WDPCP: variants seen among roughly 807,000 people sequenced by gnomAD.
WDPCP encodes the protein WD repeat-containing and planar cell polarity effector protein fritz homolog.
A neutral mutation model predicts 93.1 loss-of-function variants in WDPCP; 71 were observed. The observed-to-expected ratio is 0.76, with a 90% CI of 0.63 to 0.93. The LOEUF (loss-of-function observed/expected upper bound fraction) is 0.93, where lower values mean the gene tolerates loss of function less well. Ranked by LOEUF, WDPCP falls within the 40% of genes least tolerant of loss-of-function variation. The pLI is 0.00. For synonymous variants in WDPCP, 315 were observed against 315.0 expected, an observed-to-expected ratio of 1.00 and a Z score of 0.00; for missense variants, 844 against 887.4, an observed-to-expected ratio of 0.95 and a Z score of 0.62.
chr2:63,757,685 T>C (rs1385850465), intron 2 of WDPCP, among the ~76,000 whole-genome samples: 1 of 152,244 alleles, frequency 6.6e-6, no homozygotes, highest in African/African-American at 2.4e-5. Context: ...TGTACTTTCC[T>C]GCCCCTTGAA....
chr2:63,530,407 T>C (rs1477503112), intron 1 of WDPCP, among the ~76,000 whole-genome samples: 1 of 152,236 alleles, frequency 6.6e-6, no homozygotes, highest in Non-Finnish European at 1.5e-5. Flanking sequence ...TGTGTCTTTG[T>C]TCTCATTGGT....
In WDPCP at chr2:63,689,515, A is replaced by G. The variant is rs1668861826; in HGVS notation, n.309-38677T>C. On this transcript the variant is annotated intron_variant and non_coding_transcript_variant, in intron 2 of 4. Transcript: ENST00000467687. ...AATTATCTGCTTTCAACTATCTTCT[A>G]TCAGGCTGTGGTGAACCCAAGTAAC... Among the ~76,000 whole-genome samples the G allele has an allele frequency of 3.9e-5, 6 of 152,292 alleles. No individual in the cohort carries two copies. In the South Asian group the frequency reaches 1.2e-3, roughly 32 times the overall value.
chr2:63,624,823 C>T (rs915717792), intron 3 of WDPCP, among the ~76,000 whole-genome samples: 1 of 152,218 alleles, frequency 6.6e-6, no homozygotes, highest in Non-Finnish European at 1.5e-5. Context: ...TTCCCTAACT[C>T]ATTTTATGAG....
chr2:63,193,377 ATAAT>A (rs1256551037), intron 14 of WDPCP, among the ~76,000 whole-genome samples: 1 of 152,232 alleles, frequency 6.6e-6, no homozygotes, highest in Non-Finnish European at 1.5e-5. Context: ...TCTTATATAA[ATAAT>A]TAGAAGTTGT....
chr2:63,355,768 A>G (rs1275814035), intron 12 of WDPCP, among the ~76,000 whole-genome samples: 1 of 152,080 alleles, frequency 6.6e-6, no homozygotes. Flanking sequence ...GACACCTATA[A>G]TCCCAGCTAC....
At chr2:63,538,179 G>A (rs901117181) in intron 1 of WDPCP, among the ~76,000 whole-genome samples, 4 of 151,910 alleles carry the variant, frequency 2.6e-5, no homozygotes, top group African/African-American at 9.7e-5. Context: ...TCAAGCCCCT[G>A]CCTTTAAACA....
intron 2 of WDPCP, among the ~76,000 whole-genome samples, chr2:63,789,897 G>T (rs369041919): frequency 6.6e-6 from 1 of 152,286 alleles, no homozygotes; most frequent in South Asian, 2.1e-4. Context: ...GGAAGTGACT[G>T]AAGTCTTCCA....
chr2:63,749,796 T>C lies in WDPCP; in HGVS notation n.308+63826A>G, dbSNP rs77461000. On this transcript the variant is annotated intron_variant and non_coding_transcript_variant, in intron 2 of 4. Transcript: ENST00000467687. ...GATTTCTTGAACACATAATCTAGAA[T>C]TTTTTGTTGTTTTCTTAAAAAAGGA... 3.9e-4 allele frequency among the ~76,000 whole-genome samples: 59 copies of C among 152,258 alleles called. No individual in the cohort carries two copies. In the East Asian group the frequency reaches 9.8e-3, roughly 25 times the overall value.
intron 14 of WDPCP, among the ~76,000 whole-genome samples, chr2:63,199,782 A>C (rs960258178): frequency 4.6e-5 from 7 of 152,204 alleles, no homozygotes; most frequent in Non-Finnish European, 1.0e-4. Flanking sequence ...GGCACTGCCT[A>C]GTGGAGCTGT....
intron 1 of WDPCP, among the ~76,000 whole-genome samples, chr2:63,524,344 C>T (rs1172441455): frequency 1.3e-5 from 2 of 152,160 alleles, no homozygotes; most frequent in African/African-American, 2.4e-5. Flanking sequence ...CACTACCTGA[C>T]CTCCAACTAT....
intron 2 of WDPCP, among the ~76,000 whole-genome samples, chr2:63,732,985 A>G (rs1282100268): frequency 6.6e-6 from 1 of 152,202 alleles, no homozygotes; most frequent in African/African-American, 2.4e-5. Flanking sequence ...AAGAAAGAGG[A>G]GAGTGAAACA....
chr2:63,586,539 T>G (rs528608604), intron 1 of WDPCP, among the ~76,000 whole-genome samples: 7 of 152,320 alleles, frequency 4.6e-5, no homozygotes, highest in African/African-American at 1.7e-4. Flanking sequence ...GACAATCTTA[T>G]TAGTATAATT....
intron 10 of WDPCP, among the ~76,000 whole-genome samples, chr2:63,396,958 TC>T (rs1449419115): frequency 6.6e-6 from 1 of 152,152 alleles, no homozygotes; most frequent in Non-Finnish European, 1.5e-5. Context: ...TATAATAGCC[TC>T]CATCTCCATC....
intron 3 of WDPCP, among the ~76,000 whole-genome samples, chr2:63,623,538 C>T (rs914897843): frequency 5.9e-5 from 9 of 151,930 alleles, no homozygotes; most frequent in Admixed American, 5.2e-4. Context: ...GGTTGCATTC[C>T]TAGTCTCTGT....
intron 2 of WDPCP, among the ~76,000 whole-genome samples, chr2:63,691,873 AGTGTGTGTGTGTGTGT>A (rs71393325): frequency 4.5e-4 from 66 of 145,086 alleles, no homozygotes; most frequent in Non-Finnish European, 3.7e-4. Flanking sequence ...TATACTACAA[AGTGTGTGTGTGTGTGT>A]GTGTGTGTGT....
chr2:63,295,024 A>G (rs1342778083), intron 13 of WDPCP, among the ~76,000 whole-genome samples: 3 of 152,114 alleles, frequency 2.0e-5, no homozygotes, highest in Non-Finnish European at 4.4e-5. Context: ...GTGTAGAGAA[A>G]GGCATGAAGG....
chr2:63,774,649 C>T (rs1558907510), intron 2 of WDPCP, among the ~76,000 whole-genome samples: 1 of 152,180 alleles, frequency 6.6e-6, no homozygotes, highest in Non-Finnish European at 1.5e-5. Flanking sequence ...CCCAGTTCTT[C>T]CTCCATTGTT....
At chr2:63,609,525 C>A (rs1709592964) in intron 3 of WDPCP, among the ~76,000 whole-genome samples, 1 of 152,028 alleles carries the variant, frequency 6.6e-6, no homozygotes, top group Non-Finnish European at 1.5e-5. Flanking sequence ...AAGAAAAAAA[C>A]AAATGAATCA....
intron 13 of WDPCP, among the ~76,000 whole-genome samples, chr2:63,293,134 TGTA>T (rs1684570768): frequency 6.6e-6 from 1 of 152,134 alleles, no homozygotes. Flanking sequence ...TGAAGTGACT[TGTA>T]GTAGATTTAA....
Sources: gnomAD v4.1 joint callset for allele counts (sites outside exome capture counted in the v4.1 genomes callset) on GRCh38, gnomAD v4.1.1 for gene constraint, MANE v1.5 for transcripts, NCBI Gene and HGNC (gene_info 2026-07-23, HGNC 2026-07-21) for gene names.